Variants in DEUP1 observed in about 807,000 individuals in gnomAD.
The protein encoded by DEUP1 is deuterosome assembly protein 1.
DEUP1 carries 82 observed loss-of-function variants against 87.4 expected under a neutral mutation model. The observed-to-expected ratio is 0.94, with a 90% CI of 0.78 to 1.13. The LOEUF (loss-of-function observed/expected upper bound fraction) is 1.13. Ranked by LOEUF, DEUP1 falls within the 50% of genes most tolerant of loss-of-function variation. The probability of loss-of-function intolerance (pLI) is 0.00; values close to 1 mark genes in which losing one functional copy is unlikely to be tolerated. For missense variants in DEUP1, 663 were observed against 681.5 expected (o/e 0.97, Z 0.30); for synonymous variants, 214 against 222.7 (o/e 0.96, Z 0.35).
At chr11:93,383,536 A>C (rs375048340) in intron 7 of DEUP1, 70 of 631,790 alleles carry the variant, frequency 1.1e-4, no homozygotes, top group East Asian at 4.3e-4. Context: ...CTCTGGAATA[A>C]AGTAGTGGTG....
intron 11 of DEUP1, among the ~76,000 whole-genome samples, chr11:93,404,334 T>C (rs1305404842): frequency 2.0e-5 from 3 of 152,108 alleles, no homozygotes; most frequent in Non-Finnish European, 4.4e-5. Context: ...CCTTCAATTG[T>C]ATTATTAATT....
intron 7 of DEUP1, among the ~76,000 whole-genome samples, chr11:93,374,682 G>C (rs894657969): frequency 1.3e-5 from 2 of 152,058 alleles, no homozygotes; most frequent in African/African-American, 4.8e-5. Context: ...GGTGACTATA[G>C]CATTATAGTA....
chr11:93,374,062 G>C (rs1354121478), intron 7 of DEUP1, among the ~76,000 whole-genome samples: 3 of 152,018 alleles, frequency 2.0e-5, no homozygotes, highest in African/African-American at 7.2e-5. Flanking sequence ...TCATGTGTTT[G>C]TTGGCCATTT....
chr11:93,330,469 G>T, upstream of DEUP1: 1 of 153,012 alleles, frequency 6.5e-6, no homozygotes, highest in South Asian at 2.1e-4. Context: ...CGCTCGCGCG[G>T]GGTGAGGTTG....
At chr11:93,332,140 A>T in intron 1 of DEUP1, 76 bp from the exon 2 acceptor site, 1 of 907,050 alleles carries the variant, frequency 1.1e-6, no homozygotes, top group Non-Finnish European at 1.7e-6. Context: ...GGTTTTTGCC[A>T]GTAGCAAAAT....
chr11:93,405,912 T>C (rs1947260752), intron 11 of DEUP1, among the ~76,000 whole-genome samples: 1 of 151,934 alleles, frequency 6.6e-6, no homozygotes, highest in African/African-American at 2.4e-5. Context: ...CAGGTTATTT[T>C]TGTATGCTAA....
chr11:93,332,292 A>G lies in DEUP1; in HGVS notation c.29+4A>G, dbSNP rs1351729765. On this transcript the variant is annotated splice_donor_region_variant and intron_variant, in intron 2 of 13. Transcript: ENST00000298050. ...ACCAAGCCCATAATACGATGGGGTA[A>G]GTGCTGAGAAATTTCTGTTTAATAA... 1 of 1,606,044 alleles carries G rather than the reference A, an allele frequency of 6.2e-7. No individual in the cohort carries two copies. Among genetic ancestry groups the G allele is most frequent in the Admixed American group, 1.7e-5 (1 of 59,416 alleles).
intron 7 of DEUP1, among the ~76,000 whole-genome samples, chr11:93,380,579 A>G (rs1287110656): frequency 6.6e-6 from 1 of 150,540 alleles, no homozygotes; most frequent in Non-Finnish European, 1.5e-5. Context: ...TTTTTTTTGT[A>G]TTTTTAGTAG....
chr11:93,375,594 T>C (rs1161167937), intron 7 of DEUP1, among the ~76,000 whole-genome samples: 1 of 152,224 alleles, frequency 6.6e-6, no homozygotes, highest in Non-Finnish European at 1.5e-5. Context: ...ATTTATTGAC[T>C]TGCATATGTT....
intron 12 of DEUP1, among the ~76,000 whole-genome samples, chr11:93,410,851 T>TA (rs1947415571): frequency 6.6e-6 from 1 of 152,172 alleles, no homozygotes; most frequent in African/African-American, 2.4e-5. Flanking sequence ...AAAAGCAACA[T>TA]AAGAGGTAAA....
chr11:93,412,255 C>A (rs768060159), intron 12 of DEUP1, among the ~76,000 whole-genome samples: 1 of 152,226 alleles, frequency 6.6e-6, no homozygotes, highest in Non-Finnish European at 1.5e-5. Context: ...AGCAAAGCAA[C>A]TGGGGCCTGC....
intron 13 of DEUP1, among the ~76,000 whole-genome samples, chr11:93,428,375 C>T (rs1174618236): frequency 1.3e-5 from 2 of 149,584 alleles, no homozygotes; most frequent in East Asian, 4.0e-4. Flanking sequence ...TGTTCTCACT[C>T]ATTGATGGGC....
At chr11:93,369,980 A>G (rs1432074973) in intron 5 of DEUP1, 93 bp from the exon 6 acceptor site, 1 of 614,738 alleles carries the variant, frequency 1.6e-6, no homozygotes, top group Non-Finnish European at 2.8e-6. Context: ...TTTTTTTCTC[A>G]GAATGAAGAT....
chr11:93,380,657 C>G (rs1946263878), intron 7 of DEUP1, among the ~76,000 whole-genome samples: 1 of 152,114 alleles, frequency 6.6e-6, no homozygotes, highest in South Asian at 2.1e-4. Context: ...CCCACCTTGG[C>G]CTCCCAAAGT....
At chr11:93,366,510 C>G (rs1056085957) in intron 5 of DEUP1, among the ~76,000 whole-genome samples, 2 of 152,098 alleles carry the variant, frequency 1.3e-5, no homozygotes, top group Non-Finnish European at 2.9e-5. Context: ...CCTCTGAAGC[C>G]TATCGTGACA....
At chr11:93,388,160 T>G (rs984829803) in intron 8 of DEUP1, among the ~76,000 whole-genome samples, 3 of 152,148 alleles carry the variant, frequency 2.0e-5, no homozygotes, top group African/African-American at 7.2e-5. Context: ...AATTAGCAAT[T>G]TCTTTATCAT....
chr11:93,364,351 T>G, intron 5 of DEUP1, 57 bp downstream of exon 5: 1 of 1,493,230 alleles, frequency 6.7e-7, no homozygotes, highest in South Asian at 1.2e-5. Context: ...CCTATTGTTG[T>G]GGGCTATTTG....
intron 13 of DEUP1, among the ~76,000 whole-genome samples, chr11:93,431,256 G>A (rs779625527): frequency 8.5e-5 from 13 of 152,118 alleles, no homozygotes; most frequent in Non-Finnish European, 7.4e-5. Context: ...GAAATTTAAG[G>A]TGAAACCCAA....
chr11:93,364,953 C>A (rs1320173264), intron 5 of DEUP1, among the ~76,000 whole-genome samples: 1 of 152,050 alleles, frequency 6.6e-6, no homozygotes, highest in African/African-American at 2.4e-5. Flanking sequence ...TCCCTGTGTT[C>A]TTGAGCATTC....
Sources: allele counts gnomAD v4.1 joint callset (sites outside exome capture counted in the v4.1 genomes callset), GRCh38; gene constraint gnomAD v4.1.1; transcripts MANE v1.5; gene names NCBI Gene and HGNC (gene_info 2026-07-23, HGNC 2026-07-21).